TENM1: variants seen among roughly 807,000 people sequenced by gnomAD.
TENM1 encodes the protein teneurin-1.
Under a neutral mutation model 174.8 loss-of-function variants are expected in TENM1, and 35 were observed. The ratio of observed to expected loss-of-function variants is 0.20; its 90% CI spans 0.15 to 0.27. The LOEUF is 0.27. Ranked by LOEUF, TENM1 falls within the 10% of genes least tolerant of loss-of-function variation. TENM1 has a pLI of 1.00. For synonymous variants in TENM1, 781 were observed against 798.7 expected, an observed-to-expected ratio of 0.98 and a Z score of 0.37; for missense variants, 1,633 against 2,130.1, an observed-to-expected ratio of 0.77 and a Z score of 4.59.
intron 27 of TENM1, among the ~76,000 whole-genome samples, chrX:124,403,614 T>C (rs2060426896): frequency 9.0e-6 from 1 of 111,279 alleles, no homozygotes; most frequent in African/African-American, 3.3e-5. Context: ...TGCCTCTCTC[T>C]GGAATTGGGT....
chrX:125,013,746 A>G, the TENM1 span, among the ~76,000 whole-genome samples: 1 of 111,684 alleles, frequency 9.0e-6, no homozygotes, highest in Non-Finnish European at 1.9e-5. Flanking sequence ...TTTCTGAGTC[A>G]CTGTGTTATC....
intron 11 of TENM1, among the ~76,000 whole-genome samples, chrX:124,584,181 A>C (rs1315398153): frequency 9.1e-6 from 1 of 110,052 alleles, no homozygotes; most frequent in Non-Finnish European, 1.9e-5. Flanking sequence ...GGAAATACAG[A>C]GAATGGCACA....
chrX:124,477,048 A>G (rs887109992), intron 22 of TENM1, among the ~76,000 whole-genome samples: 1 of 112,538 alleles, frequency 8.9e-6, no homozygotes, highest in African/African-American at 3.2e-5. Context: ...CTCCCAGGAG[A>G]AGTACCCAGA....
At chrX:125,183,331 A>G in the TENM1 span, among the ~76,000 whole-genome samples, 2 of 112,195 alleles carry the variant, frequency 1.8e-5, no homozygotes, top group Non-Finnish European at 3.8e-5. Context: ...ATGGTCCTTC[A>G]GCTGCCCCTC....
the TENM1 span, among the ~76,000 whole-genome samples, chrX:125,098,731 C>A: frequency 8.9e-6 from 1 of 111,997 alleles, no homozygotes; most frequent in African/African-American, 3.2e-5. Context: ...TGTGATTAGA[C>A]ACTATCTTTT....
chrX:124,962,224 A>C (rs1224183840), intron 1 of TENM1, among the ~76,000 whole-genome samples: 2 of 111,876 alleles, frequency 1.8e-5, no homozygotes, highest in African/African-American at 6.5e-5. Context: ...TCTGAAGATA[A>C]ATATTTGAAG....
upstream of TENM1, among the ~76,000 whole-genome samples, chrX:124,967,798 T>A (rs2058745391): frequency 9.0e-6 from 1 of 111,664 alleles, no homozygotes; most frequent in Non-Finnish European, 1.9e-5. Flanking sequence ...TCATCAGTTC[T>A]GCCTGAACTG....
the TENM1 span, among the ~76,000 whole-genome samples, chrX:125,075,008 A>G: frequency 8.9e-6 from 1 of 111,781 alleles, no homozygotes; most frequent in Non-Finnish European, 1.9e-5. Context: ...ATATAATTCA[A>G]TTATTTTTAG....
At chrX:125,025,770 A>G in the TENM1 span, among the ~76,000 whole-genome samples, 6 of 111,616 alleles carry the variant, frequency 5.4e-5, no homozygotes, top group Non-Finnish European at 1.1e-4. Flanking sequence ...CACTAAAATG[A>G]TAGTCCCAAA....
chrX:124,464,844 C>T (rs1307477996), intron 22 of TENM1, among the ~76,000 whole-genome samples: 1 of 111,921 alleles, frequency 8.9e-6, no homozygotes, highest in Non-Finnish European at 1.9e-5. Context: ...AATCTGTGGG[C>T]ACAAGAACGC....
chrX:124,553,749 T>C, intron 14 of TENM1, among the ~76,000 whole-genome samples: 1 of 110,959 alleles, frequency 9.0e-6, no homozygotes. Context: ...TATGGAAGCA[T>C]GAATTTTATC....
At chrX:124,700,381 C>A (rs1455720344) in intron 5 of TENM1, among the ~76,000 whole-genome samples, 1 of 111,633 alleles carries the variant, frequency 9.0e-6, no homozygotes, top group Non-Finnish European at 1.9e-5. Flanking sequence ...TACCCCAGCT[C>A]AAACTAAATA....
At chrX:124,663,155 AT>A (rs2051655857) in intron 6 of TENM1, among the ~76,000 whole-genome samples, 1 of 112,146 alleles carries the variant, frequency 8.9e-6, no homozygotes, top group Admixed American at 9.5e-5. Context: ...AGAAGATGGT[AT>A]CTGTGTATAG....
chrX:125,032,173 A>AT, the TENM1 span, among the ~76,000 whole-genome samples: 5,189 of 100,992 alleles, frequency 0.051, 325 homozygotes, highest in African/African-American at 0.17. Context: ...TTTTTAAATC[A>AT]TTTTTTTTTT....
chrX:124,486,327 T>C (rs2046953653), intron 21 of TENM1, among the ~76,000 whole-genome samples: 1 of 112,484 alleles, frequency 8.9e-6, no homozygotes, highest in Admixed American at 9.4e-5. Flanking sequence ...TAGTTAAAAA[T>C]CACATAGATT....
chrX:125,132,231 T>C, the TENM1 span, among the ~76,000 whole-genome samples: 1 of 111,450 alleles, frequency 9.0e-6, no homozygotes, highest in Admixed American at 9.6e-5. Context: ...CATGGGGTTC[T>C]ATTCTCCACA....
rs770144443 is a variant in TENM1, at chrX:124,460,809, C to A, written c.3950-7318G>T. 9.1e-5 allele frequency among the ~76,000 whole-genome samples: 10 copies of A among 110,462 alleles called. No homozygotes were observed. The South Asian group carries it at 3.5e-3, about 39-fold the overall frequency. On this transcript the variant is annotated intron_variant, in intron 22 of 31. Coordinates refer to ENST00000422452, the Ensembl canonical transcript of TENM1. ...AGTTTAATGCCCATTCTCTTAACCA[C>A]TATGCCATGTAGCTTAAATGAGGTT... is the stretch of plus-strand genomic sequence containing the variant.
At chrX:124,522,007 A>G in intron 17 of TENM1, among the ~76,000 whole-genome samples, 1 of 111,906 alleles carries the variant, frequency 8.9e-6, no homozygotes, top group Admixed American at 9.5e-5. Context: ...TTAGTAGTTC[A>G]TTTTCCTAAG....
chrX:124,526,893 T>C (rs141126720), intron 16 of TENM1, among the ~76,000 whole-genome samples: 1,789 of 112,278 alleles, frequency 0.016, 38 homozygotes, highest in African/African-American at 0.054. Flanking sequence ...AAGAAACTTC[T>C]AAGAATGTCG....
Sources: allele counts gnomAD v4.1 joint callset (sites outside exome capture counted in the v4.1 genomes callset), GRCh38; gene constraint gnomAD v4.1.1; transcripts MANE v1.5; gene names NCBI Gene and HGNC (gene_info 2026-07-23, HGNC 2026-07-21).